NKAIN2: variants seen among roughly 807,000 people sequenced by gnomAD.
The protein encoded by NKAIN2 is sodium/potassium transporting ATPase interacting 2.
Under a neutral mutation model 32.6 loss-of-function variants are expected in NKAIN2, and 14 were observed. The ratio of observed to expected loss-of-function variants is 0.43; its 90% CI spans 0.28 to 0.67. NKAIN2 has a LOEUF of 0.67. Ranked by LOEUF, NKAIN2 falls within the 30% of genes least tolerant of loss-of-function variation. The pLI, the probability that NKAIN2 is intolerant of heterozygous loss-of-function variation, is 0.17. For synonymous variants in NKAIN2, 80 were observed against 87.2 expected, an observed-to-expected ratio of 0.92 and a Z score of 0.46; for missense variants, 198 against 258.3, an observed-to-expected ratio of 0.77 and a Z score of 1.60.
At chr6:124,415,848 C>CT (rs113733587) in intron 3 of NKAIN2, among the ~76,000 whole-genome samples, 7,231 of 97,926 alleles carry the variant, frequency 0.074, 578 homozygotes, top group African/African-American at 0.22. Flanking sequence ...TTTTTATTTG[C>CT]TTTTTTTTTT....
intron 4 of NKAIN2, among the ~76,000 whole-genome samples, chr6:124,707,634 G>A (rs201209100): frequency 0.42 from 59,341 of 141,314 alleles, 12,881 homozygotes; most frequent in African/African-American, 0.5. Flanking sequence ...CTGCATAAAT[G>A]TCTTCTTTTG....
At chr6:124,192,755 T>TG (rs1562413483) in intron 1 of NKAIN2, among the ~76,000 whole-genome samples, 8 of 138,400 alleles carry the variant, frequency 5.8e-5, no homozygotes, top group African/African-American at 1.9e-4. Context: ...TTTTTTTTTT[T>TG]TTTTTTTTTT....
chr6:124,067,509 T>C (rs1443778073), intron 1 of NKAIN2, among the ~76,000 whole-genome samples: 1 of 152,188 alleles, frequency 6.6e-6, no homozygotes, highest in Non-Finnish European at 1.5e-5. Flanking sequence ...GAGGACCAGA[T>C]ATCTAATTAC....
At chr6:124,142,087 T>G (rs1327018896) in intron 1 of NKAIN2, among the ~76,000 whole-genome samples, 1 of 152,156 alleles carries the variant, frequency 6.6e-6, no homozygotes, top group Non-Finnish European at 1.5e-5. Context: ...CCTCTGACAT[T>G]ATTCCACAAT....
intron 1 of NKAIN2, among the ~76,000 whole-genome samples, chr6:124,113,217 C>G (rs1300626499): frequency 6.6e-6 from 1 of 152,068 alleles, no homozygotes; most frequent in African/African-American, 2.4e-5. Context: ...AACTCTTTTC[C>G]TCCCACAGGA....
intron 4 of NKAIN2, among the ~76,000 whole-genome samples, chr6:124,738,680 G>A (rs185073759): frequency 1.3e-5 from 2 of 151,872 alleles, no homozygotes; most frequent in Admixed American, 6.6e-5. Context: ...TTTTCACCTA[G>A]ACCATGGGAG....
intron 4 of NKAIN2, among the ~76,000 whole-genome samples, chr6:124,698,744 T>C (rs918398638): frequency 2.0e-5 from 3 of 152,188 alleles, no homozygotes; most frequent in African/African-American, 7.2e-5. Flanking sequence ...TTAATTTTCC[T>C]GTCCAACTCC....
intron 4 of NKAIN2, among the ~76,000 whole-genome samples, chr6:124,753,446 C>T (rs796360109): frequency 1.9e-4 from 29 of 152,164 alleles, no homozygotes; most frequent in African/African-American, 5.8e-4. Context: ...TAGCTTTTTA[C>T]GCATGCCATT....
chr6:124,226,633 A>AT (rs1189201519), intron 1 of NKAIN2, among the ~76,000 whole-genome samples: 1 of 151,750 alleles, frequency 6.6e-6, no homozygotes, highest in African/African-American at 2.4e-5. Flanking sequence ...TTATATTATT[A>AT]TTTTTTGACT....
At chr6:124,074,773 A>T (rs1162882415) in intron 1 of NKAIN2, among the ~76,000 whole-genome samples, 1 of 152,150 alleles carries the variant, frequency 6.6e-6, no homozygotes. Flanking sequence ...AGTCCATGGA[A>T]CTGGTGTTTC....
chr6:124,581,694 C>A (rs558172487), intron 3 of NKAIN2, among the ~76,000 whole-genome samples: 2 of 152,172 alleles, frequency 1.3e-5, no homozygotes, highest in East Asian at 1.9e-4. Context: ...TAGAAATCAA[C>A]AACAAGAGAA....
intron 1 of NKAIN2, among the ~76,000 whole-genome samples, chr6:123,997,689 C>T (rs1000040147): frequency 4.7e-5 from 7 of 150,534 alleles, no homozygotes; most frequent in Non-Finnish European, 8.9e-5. Context: ...CTGCAAGCTC[C>T]GCCTTCCAGG....
At chr6:123,871,911 G>GA (rs1271296101) in intron 1 of NKAIN2, among the ~76,000 whole-genome samples, 1 of 152,096 alleles carries the variant, frequency 6.6e-6, no homozygotes, top group Non-Finnish European at 1.5e-5. Context: ...AATCTCACAT[G>GA]AAAAACACCT....
At chr6:124,561,980 T>G in intron 3 of NKAIN2, among the ~76,000 whole-genome samples, 1 of 152,250 alleles carries the variant, frequency 6.6e-6, no homozygotes, top group East Asian at 1.9e-4. Flanking sequence ...TTTATCTCTG[T>G]GCTGTTTTAG....
intron 1 of NKAIN2, among the ~76,000 whole-genome samples, chr6:123,998,486 C>T (rs750079092): frequency 2.2e-4 from 33 of 152,052 alleles, no homozygotes; most frequent in Non-Finnish European, 4.0e-4. Flanking sequence ...CGTTTGAAAT[C>T]GAAAACCTGA....
intron 1 of NKAIN2, among the ~76,000 whole-genome samples, chr6:124,164,102 A>G (rs1788410043): frequency 6.6e-6 from 1 of 152,110 alleles, no homozygotes; most frequent in Admixed American, 6.6e-5. Context: ...TATAAACTAA[A>G]TAAGTTTTGT....
chr6:124,675,307 A>T (rs1484631663), intron 4 of NKAIN2, among the ~76,000 whole-genome samples: 2 of 152,066 alleles, frequency 1.3e-5, no homozygotes, highest in Non-Finnish European at 2.9e-5. Context: ...GTATTTGTTG[A>T]AGATGTAAAC....
chr6:124,415,790 T>A (rs1774434757), intron 3 of NKAIN2, among the ~76,000 whole-genome samples: 1 of 151,686 alleles, frequency 6.6e-6, no homozygotes, highest in Non-Finnish European at 1.5e-5. Flanking sequence ...GGCCTGGAAA[T>A]GGGGTCAAAC....
intron 1 of NKAIN2, among the ~76,000 whole-genome samples, chr6:123,927,715 T>C (rs1776065443): frequency 6.6e-6 from 1 of 152,238 alleles, no homozygotes; most frequent in South Asian, 2.1e-4. Context: ...CTTGTAGTTC[T>C]GCTATTCTTG....
Sources: gnomAD v4.1 joint callset for allele counts (sites outside exome capture counted in the v4.1 genomes callset) on GRCh38, gnomAD v4.1.1 for gene constraint, MANE v1.5 for transcripts, NCBI Gene and HGNC (gene_info 2026-07-23, HGNC 2026-07-21) for gene names.